Variants in TACC2 observed in about 807,000 individuals in gnomAD.
TACC2 encodes the protein transforming acidic coiled-coil containing protein 2.
A neutral mutation model predicts 227.3 loss-of-function variants in TACC2; 137 were observed. The ratio of observed to expected loss-of-function variants is 0.60; its 90% CI spans 0.52 to 0.69. The LOEUF (loss-of-function observed/expected upper bound fraction) is 0.69. Ranked by LOEUF, TACC2 falls within the 30% of genes least tolerant of loss-of-function variation. The pLI is 0.00. For synonymous variants in TACC2, 1,523 were observed against 1,487.5 expected (o/e 1.02, Z -0.55); for missense variants, 3,470 against 3,694.4 (o/e 0.94, Z 1.57).
rs758754668 is a variant in TACC2 at position 122,083,373 on chromosome 10, C to T, written c.873C>T (p.Gly291=). 6.2e-7 allele frequency: 1 copy of T among 1,613,932 alleles called. No homozygotes were observed. ...PAPRASDRER[G]QGEAPPQYLT... The stretch of plus-strand genomic sequence containing the variant: ...CAAGAGCCTCAGACAGAGAAAGAGG[C>T]CAAGGGGAGGCGCCGCCTCAGTATT... Residue 291 remains glycine (G), a synonymous_variant, in exon 4 of 23, where the codon GGC becomes GGT. Coordinates refer to ENST00000369005, the MANE Select transcript of TACC2 (RefSeq NM_206862.4).
intron 3 of TACC2, among the ~76,000 whole-genome samples, chr10:122,070,527 G>A (rs189807286): frequency 1.7e-4 from 26 of 152,230 alleles, no homozygotes; most frequent in African/African-American, 6.0e-4. Context: ...GCTAAGGCGG[G>A]CGGATCACCT....
chr10:122,161,403 A>G (rs546516570), intron 7 of TACC2, among the ~76,000 whole-genome samples: 1 of 152,214 alleles, frequency 6.6e-6, no homozygotes, highest in Admixed American at 6.5e-5. Context: ...CTTGGGGGGA[A>G]ATTTTTTCTT....
At chr10:122,114,056 G>T (rs1374726895) in intron 5 of TACC2, among the ~76,000 whole-genome samples, 1 of 152,244 alleles carries the variant, frequency 6.6e-6, no homozygotes, top group Non-Finnish European at 1.5e-5. Context: ...TGGGACAGGA[G>T]AATGTGATAG....
intron 3 of TACC2, among the ~76,000 whole-genome samples, chr10:122,053,831 T>G (rs575341604): frequency 2.0e-5 from 3 of 152,290 alleles, no homozygotes; most frequent in Admixed American, 6.5e-5. Context: ...TCAAAGGATG[T>G]AAGTTTTTAC....
intron 5 of TACC2, among the ~76,000 whole-genome samples, chr10:122,108,570 T>C (rs1268789280): frequency 5.4e-4 from 70 of 128,966 alleles, no homozygotes; most frequent in South Asian, 1.1e-3. Flanking sequence ...CTCAGCCTCC[T>C]GAGTAGCTGG....
intron 3 of TACC2, among the ~76,000 whole-genome samples, chr10:122,054,445 G>T (rs944427748): frequency 2.6e-5 from 4 of 152,170 alleles, no homozygotes; most frequent in Admixed American, 2.0e-4. Flanking sequence ...CTGGTCCCTG[G>T]TCCGCCCTTC....
chr10:122,176,117 C>CTCTCTCTCTCTATA (rs1447382017), intron 7 of TACC2, among the ~76,000 whole-genome samples: 3 of 54,652 alleles, frequency 5.5e-5, no homozygotes, highest in Non-Finnish European at 1.0e-4. Flanking sequence ...CTCTCTCTCT[C>CTCTCTCTCTCTATA]TATATATATA....
intron 3 of TACC2, among the ~76,000 whole-genome samples, chr10:122,076,171 T>C (rs1316859874): frequency 6.6e-6 from 1 of 152,182 alleles, no homozygotes; most frequent in Non-Finnish European, 1.5e-5. Flanking sequence ...GCATTCTTGC[T>C]GGTGGGGCTT....
rs559792615 is a variant in TACC2, at chr10:122,233,998, T to C, written c.8128-3397T>C. Among the ~76,000 whole-genome samples, 7 of 152,312 alleles carry C rather than the reference T, an allele frequency of 4.6e-5. No homozygotes were observed. In the East Asian group the frequency reaches 7.7e-4, roughly 17 times the overall value. On this transcript the variant is annotated intron_variant, in intron 16 of 22. Coordinates refer to ENST00000369005, the MANE Select transcript of TACC2 (RefSeq NM_206862.4). The stretch of plus-strand genomic sequence containing the variant: ...GGACACCCTCTGAGCACCAGGCCTG[T>C]GTCCATGCACCGTGGCCTTGGTCCA...
intron 5 of TACC2, among the ~76,000 whole-genome samples, chr10:122,095,957 G>C (rs555954221): frequency 1.8e-4 from 27 of 152,230 alleles, no homozygotes; most frequent in Non-Finnish European, 3.7e-4. Flanking sequence ...CCAACTGGAA[G>C]CCACTGTGTC....
intron 1 of TACC2, among the ~76,000 whole-genome samples, chr10:121,995,412 A>G (rs1003067894): frequency 9.2e-5 from 14 of 152,182 alleles, no homozygotes; most frequent in African/African-American, 3.4e-4. Flanking sequence ...GTTCCATAAA[A>G]CAGAAACGCC....
intron 2 of TACC2, among the ~76,000 whole-genome samples, chr10:122,033,568 T>C (rs1959204204): frequency 6.6e-6 from 1 of 152,206 alleles, no homozygotes; most frequent in Non-Finnish European, 1.5e-5. Context: ...TGATTTGTTG[T>C]AAAAGAAGAT....
intron 5 of TACC2, among the ~76,000 whole-genome samples, chr10:122,125,940 C>G (rs1459468008): frequency 6.6e-6 from 1 of 152,102 alleles, no homozygotes; most frequent in Non-Finnish European, 1.5e-5. Flanking sequence ...CCGCACCCAA[C>G]TAATTTTTTT....
At chr10:122,222,465 C>T (rs551478871) in intron 11 of TACC2, among the ~76,000 whole-genome samples, 1 of 152,286 alleles carries the variant, frequency 6.6e-6, no homozygotes, top group Non-Finnish European at 1.5e-5. Flanking sequence ...GGGAGGAGTG[C>T]GGGCCTTCTG....
At position 122,087,131 on chromosome 10, in the gene TACC2, A is replaced by AGGCTTAC; in HGVS notation, c.4632_4638dup (p.Ser1547GlyfsTer39). The stretch of plus-strand genomic sequence containing the variant: ...GCAGCCTGGCCAGGCCTGGAAGGCC[A>AGGCTTAC]GGCTTACTCACAGCTGGAGAGGAGC... On this transcript the variant is annotated frameshift_variant, in exon 4 of 23. Coordinates refer to ENST00000369005, the MANE Select transcript of TACC2 (RefSeq NM_206862.4). LOFTEE classifies it high-confidence loss of function. 2 of 1,610,256 alleles carry AGGCTTAC rather than the reference A, an allele frequency of 1.2e-6. No individual in the cohort carries two copies. The highest frequency in any genetic ancestry group is 8.5e-7 in the Non-Finnish European group (1 of 1,178,870).
chr10:122,185,416 G>A (rs2094151180), intron 7 of TACC2, among the ~76,000 whole-genome samples: 1 of 151,954 alleles, frequency 6.6e-6, no homozygotes, highest in South Asian at 2.1e-4. Context: ...GGCTGGTCTC[G>A]AACTCCTGAC....
chr10:122,151,675 G>GT (rs34319731), intron 7 of TACC2, among the ~76,000 whole-genome samples: 26,505 of 152,034 alleles, frequency 0.17, 2,565 homozygotes, highest in African/African-American at 0.26. Context: ...GAGGAGGAGG[G>GT]TGGGTGGAGG....
intron 5 of TACC2, among the ~76,000 whole-genome samples, chr10:122,129,692 C>T (rs1352106116): frequency 1.3e-5 from 2 of 152,146 alleles, no homozygotes; most frequent in Middle Eastern, 3.2e-3. Flanking sequence ...TGTGATTCAC[C>T]AAGACACCCA....
chr10:122,160,512 C>T (rs1161578020), intron 7 of TACC2, among the ~76,000 whole-genome samples: 1 of 149,944 alleles, frequency 6.7e-6, no homozygotes, highest in Admixed American at 6.7e-5. Flanking sequence ...TTTCTTGCCT[C>T]ACACAGCAGA....
Sources: allele counts gnomAD v4.1 joint callset (sites outside exome capture counted in the v4.1 genomes callset), GRCh38; gene constraint gnomAD v4.1.1; transcripts MANE v1.5; gene names NCBI Gene and HGNC (gene_info 2026-07-23, HGNC 2026-07-21).